FANK1: variants seen among roughly 807,000 people sequenced by gnomAD.
FANK1 encodes fibronectin type III and ankyrin repeat domains 1.
Under a neutral mutation model 45.3 loss-of-function variants are expected in FANK1, and 44 were observed. That is an observed-to-expected ratio of 0.97 (90% CI 0.76 to 1.25). The LOEUF (loss-of-function observed/expected upper bound fraction) is 1.25. Ranked by LOEUF, FANK1 falls within the 50% of genes most tolerant of loss-of-function variation. The pLI, the probability that FANK1 is intolerant of heterozygous loss-of-function variation, is 0.00. For synonymous variants in FANK1, 149 were observed against 152.5 expected, an observed-to-expected ratio of 0.98 and a Z score of 0.17; for missense variants, 391 against 424.4, an observed-to-expected ratio of 0.92 and a Z score of 0.69.
At chr10:125,980,668 A>C (rs1053260169) in intron 2 of FANK1, 3 of 271,232 alleles carry the variant, frequency 1.1e-5, no homozygotes, top group Admixed American at 5.1e-5. Flanking sequence ...ACTGACGTGG[A>C]ATGGCCCCGC....
At chr10:125,953,619 T>C (rs1238791175) in intron 1 of FANK1, among the ~76,000 whole-genome samples, 1 of 152,214 alleles carries the variant, frequency 6.6e-6, no homozygotes, top group Non-Finnish European at 1.5e-5. Context: ...AGCCCTGAGA[T>C]TTCCTCTGAG....
At chr10:125,927,934 C>T (rs1009560306) in intron 1 of FANK1, among the ~76,000 whole-genome samples, 31 of 152,052 alleles carry the variant, frequency 2.0e-4, no homozygotes, top group Non-Finnish European at 3.5e-4. Flanking sequence ...ATAGAGTGTA[C>T]GTACAGTTTT....
intron 1 of FANK1, among the ~76,000 whole-genome samples, chr10:125,968,906 C>T (rs1024381369): frequency 1.3e-5 from 2 of 152,098 alleles, no homozygotes; most frequent in Non-Finnish European, 1.5e-5. Context: ...GACTGAGTGG[C>T]GACAGTGTAT....
intron 1 of FANK1, among the ~76,000 whole-genome samples, chr10:125,951,888 G>T (rs1031762347): frequency 2.0e-5 from 3 of 152,174 alleles, no homozygotes; most frequent in African/African-American, 7.2e-5. Flanking sequence ...ACTGTGTTCA[G>T]TTGAGCCCTG....
intron 1 of FANK1, among the ~76,000 whole-genome samples, chr10:125,911,647 T>C (rs61870870): frequency 2.0e-5 from 3 of 152,078 alleles, no homozygotes. Context: ...ATACTTCTAG[T>C]AGCAATATGA....
At chr10:125,916,356 A>G (rs950715346) in intron 1 of FANK1, among the ~76,000 whole-genome samples, 10 of 152,136 alleles carry the variant, frequency 6.6e-5, no homozygotes, top group African/African-American at 2.4e-4. Context: ...ATTCTCATCT[A>G]TAAAAAGTAG....
intron 1 of FANK1, among the ~76,000 whole-genome samples, chr10:125,906,400 CAGCTACT>C (rs1945519472): frequency 6.6e-6 from 1 of 150,640 alleles, no homozygotes; most frequent in Admixed American, 6.7e-5. Context: ...CCTGTAATCC[CAGCTACT>C]AGCGAGGCTG....
chr10:125,966,625 C>T (rs1240289595), intron 1 of FANK1, among the ~76,000 whole-genome samples: 1 of 152,160 alleles, frequency 6.6e-6, no homozygotes, highest in Non-Finnish European at 1.5e-5. Context: ...AGCAGGATAT[C>T]TGCTTGACAC....
intron 2 of FANK1, among the ~76,000 whole-genome samples, chr10:125,984,610 A>G (rs1476491428): frequency 6.6e-6 from 1 of 152,134 alleles, no homozygotes; most frequent in Non-Finnish European, 1.5e-5. Context: ...GGGCCAGGGA[A>G]AGGGTCTGGG....
chr10:126,008,573 G>C, intron 8 of FANK1, 23 bp downstream of exon 8: 1 of 1,591,426 alleles, frequency 6.3e-7, no homozygotes, highest in Non-Finnish European at 8.5e-7. Flanking sequence ...CCCGAAAATA[G>C]GCAGTTTTCT....
intron 7 of FANK1, among the ~76,000 whole-genome samples, chr10:126,005,347 G>A (rs1336890037): frequency 5.0e-5 from 7 of 138,668 alleles, no homozygotes; most frequent in Non-Finnish European, 9.1e-5. Flanking sequence ...TCACTCTGTC[G>A]CCCACGCTGG....
At chr10:125,976,135 T>TA (rs397761003) in intron 1 of FANK1, among the ~76,000 whole-genome samples, 2 of 151,758 alleles carry the variant, frequency 1.3e-5, no homozygotes, top group Non-Finnish European at 2.9e-5. Flanking sequence ...TTTTTTTTTT[T>TA]AAAGAATGTT....
At chr10:125,908,302 C>T (rs1011368269) in intron 1 of FANK1, among the ~76,000 whole-genome samples, 1 of 152,070 alleles carries the variant, frequency 6.6e-6, no homozygotes, top group African/African-American at 2.4e-5. Context: ...GGCCTTTTCT[C>T]ATATGTTTAT....
chr10:125,943,183 T>C (rs1356152734), intron 1 of FANK1, among the ~76,000 whole-genome samples: 2 of 152,220 alleles, frequency 1.3e-5, no homozygotes, highest in Non-Finnish European at 2.9e-5. Flanking sequence ...CATTGTTTCA[T>C]AGTCCAGTAA....
chr10:125,998,367 A>C (rs1160333376), intron 6 of FANK1, among the ~76,000 whole-genome samples: 2 of 152,258 alleles, frequency 1.3e-5, no homozygotes, highest in African/African-American at 4.8e-5. Flanking sequence ...AATAGATTTT[A>C]AATAACAATA....
chr10:125,981,737 G>A (rs548315271), intron 2 of FANK1, among the ~76,000 whole-genome samples: 1 of 152,152 alleles, frequency 6.6e-6, no homozygotes, highest in East Asian at 1.9e-4. Context: ...CTCCCCTATG[G>A]TAACATCTTT....
At chr10:125,960,763 C>T (rs1590057662) in intron 1 of FANK1, among the ~76,000 whole-genome samples, 1 of 152,344 alleles carries the variant, frequency 6.6e-6, no homozygotes, top group Non-Finnish European at 1.5e-5. Flanking sequence ...TCTCGATCTC[C>T]TGACCTTGTT....
At chr10:125,910,672 T>G (rs1945917556) in intron 1 of FANK1, among the ~76,000 whole-genome samples, 1 of 152,266 alleles carries the variant, frequency 6.6e-6, no homozygotes, top group South Asian at 2.1e-4. Context: ...CATAATTTAT[T>G]GAATCAGTCC....
At chr10:125,911,197 G>T (rs1945973343) in intron 1 of FANK1, among the ~76,000 whole-genome samples, 1 of 152,130 alleles carries the variant, frequency 6.6e-6, no homozygotes, top group South Asian at 2.1e-4. Flanking sequence ...CTTATAAGTG[G>T]GAAGAAGAAA....
Sources: gnomAD v4.1 joint callset for allele counts (sites outside exome capture counted in the v4.1 genomes callset) on GRCh38, gnomAD v4.1.1 for gene constraint, MANE v1.5 for transcripts, NCBI Gene and HGNC (gene_info 2026-07-23, HGNC 2026-07-21) for gene names.